Variants in APP observed in about 807,000 individuals in gnomAD.
The protein encoded by APP is amyloid beta precursor protein.
APP carries 31 observed loss-of-function variants against 101.4 expected under a neutral mutation model. The ratio of observed to expected loss-of-function variants is 0.31; its 90% CI spans 0.23 to 0.41. APP has a LOEUF of 0.41. APP is among the 10% of genes least tolerant of loss of function. APP has a pLI of 1.00. For missense variants in APP, 839 were observed against 1,003.7 expected (o/e 0.84, Z 2.22); for synonymous variants, 366 against 364.4 (o/e 1.00, Z -0.05).
intron 13 of APP, among the ~76,000 whole-genome samples, chr21:25,924,429 G>GAAAAAAAAA (rs1338097815): frequency 3.7e-4 from 20 of 53,686 alleles, no homozygotes; most frequent in African/African-American, 1.5e-3. Flanking sequence ...AAAAAAAAAG[G>GAAAAAAAAA]AAAAAAAAAA....
intron 1 of APP, among the ~76,000 whole-genome samples, chr21:26,113,947 T>A (rs949930541): frequency 6.6e-6 from 1 of 152,198 alleles, no homozygotes; most frequent in Non-Finnish European, 1.5e-5. Context: ...TCAGATGCTA[T>A]GGAGGGCCCT....
chr21:25,940,798 G>A (rs1351490889), intron 13 of APP, among the ~76,000 whole-genome samples: 2 of 152,056 alleles, frequency 1.3e-5, no homozygotes, highest in Admixed American at 6.6e-5. Context: ...TCAGTAATTC[G>A]CAAAGTTTAG....
intron 9 of APP, among the ~76,000 whole-genome samples, 165 bp downstream of exon 9, chr21:25,982,179 A>G (rs1264181889): frequency 6.6e-6 from 1 of 152,200 alleles, no homozygotes; most frequent in Non-Finnish European, 1.5e-5. Context: ...TTCACGGAGG[A>G]TGCAAAAAAC....
intron 13 of APP, among the ~76,000 whole-genome samples, chr21:25,916,670 A>G (rs144912684): frequency 6.6e-6 from 1 of 152,312 alleles, no homozygotes; most frequent in East Asian, 1.9e-4. Context: ...GGATTTTCAG[A>G]ACTTTTAAGC....
At chr21:26,124,609 C>T (rs2062643352) in intron 1 of APP, among the ~76,000 whole-genome samples, 1 of 152,218 alleles carries the variant, frequency 6.6e-6, no homozygotes, top group Non-Finnish European at 1.5e-5. Context: ...TAGCACAGAA[C>T]TGGTTGTCAG....
intron 3 of APP, among the ~76,000 whole-genome samples, chr21:26,071,423 CAAACT>C (rs1445826850): frequency 6.6e-6 from 1 of 152,130 alleles, no homozygotes; most frequent in Non-Finnish European, 1.5e-5. Context: ...GCCTTTAAAT[CAAACT>C]AAGCTTAAAA....
In APP at chr21:25,891,832, C is replaced by T; in HGVS notation, c.2101G>A (p.Ala701Thr). The T allele has an allele frequency of 6.2e-7, 1 of 1,614,090 alleles. No homozygotes were observed. The highest frequency in any genetic ancestry group is 8.5e-7 in the Non-Finnish European group (1 of 1,179,990). The change falls in exon 17 of 18, where the codon GCA (alanine) becomes ACA (threonine). Residue 701 changes from alanine (A) to threonine (T), a missense_variant. By Grantham distance (58) the Ala-to-Thr change is moderately conservative. Coordinates refer to ENST00000346798, the MANE Select transcript of APP (RefSeq NM_000484.4). ...CCGCCCACCATGAGTCCAATGATTGCACCTTTGTTTGAACCCACATCTTCT... is the reference window on the plus strand; with the variant it reads ...CCGCCCACCATGAGTCCAATGATTGTACCTTTGTTTGAACCCACATCTTCT... The part of the protein sequence containing the change: ...FAEDVGSNKG[A>T]IIGLMVGGVV...
In APP at chr21:26,068,910, T is replaced by C. The variant is rs1204650419; in HGVS notation, c.356-15562A>G. The stretch of plus-strand genomic sequence containing the variant: ...CCAGTCGCTTGCTGCATGCTTCCAA[T>C]TGCAGGGTATTAATTACTTTTAGCA... On this transcript the variant is annotated intron_variant, in intron 3 of 17. Coordinates refer to ENST00000346798, the MANE Select transcript of APP (RefSeq NM_000484.4). Among the ~76,000 whole-genome samples the C allele has an allele frequency of 3.9e-5, 6 of 152,314 alleles. 1 individual carries two copies. The highest frequency in any genetic ancestry group is 1.5e-5 in the Non-Finnish European group (1 of 68,038).
chr21:26,034,944 T>C (rs1310874248), intron 5 of APP, among the ~76,000 whole-genome samples: 1 of 151,930 alleles, frequency 6.6e-6, no homozygotes, highest in East Asian at 1.9e-4. Flanking sequence ...TGGAAGTAAA[T>C]AGGCTGCTAG....
chr21:26,015,514 T>C (rs1276800432), intron 6 of APP, among the ~76,000 whole-genome samples: 1 of 152,194 alleles, frequency 6.6e-6, no homozygotes, highest in Admixed American at 6.5e-5. Flanking sequence ...AGTTTGTAAA[T>C]TGAACACTTA....
At chr21:26,108,650 G>A (rs2062239213) in intron 2 of APP, among the ~76,000 whole-genome samples, 1 of 152,186 alleles carries the variant, frequency 6.6e-6, no homozygotes, top group Non-Finnish European at 1.5e-5. Flanking sequence ...CACTCTGGGA[G>A]GCCGAAGAGG....
rs915486295 is a variant in APP, at chr21:26,170,720, C to G, written c.-100G>C. The stretch of plus-strand genomic sequence containing the variant: ...CCACCGCCGCCGTCTCCCGGGGCCC[C>G]CGCGCACGCTCCTCCGCGTGCTCTC... On this transcript the variant is annotated 5_prime_UTR_variant, in exon 1 of 18. Transcript: ENST00000346798. 7.9e-7 allele frequency: 1 copy of G among 1,258,744 alleles called. No individual in the cohort carries two copies. The highest frequency in any genetic ancestry group is 3.0e-5 in the East Asian group (1 of 32,834). The allele number at this position is 1,258,744 out of a possible 1,614,324, so 78.0% of individuals were successfully genotyped here. A position where few individuals can be genotyped will look rare whatever the true frequency, so the allele number is the denominator to read the frequency against.
chr21:26,052,786 T>TA (rs759366339), intron 4 of APP, among the ~76,000 whole-genome samples: 9 of 152,266 alleles, frequency 5.9e-5, no homozygotes, highest in Non-Finnish European at 7.4e-5. Context: ...GCTAAATTAT[T>TA]AAAAAATTGT....
Position 25,906,555 on chromosome 21 carries a change from G to A in APP, c.1910-1478C>T, listed in dbSNP as rs543084769. 3.9e-5 allele frequency among the ~76,000 whole-genome samples: 6 copies of A among 152,284 alleles called. 1 individual carries two copies. Among genetic ancestry groups the A allele is most frequent in the Admixed American group, 2.6e-4 (4 of 15,302 alleles). ...AATATTCCATAGTAACTACTGATGC[G>A]AGAGTGACTATTCTCTAGTATTTCA... On this transcript the variant is annotated intron_variant, in intron 14 of 17. Transcript: ENST00000346798.
chr21:25,905,768 C>G (rs1029532073), intron 14 of APP, among the ~76,000 whole-genome samples: 4 of 152,164 alleles, frequency 2.6e-5, no homozygotes, highest in African/African-American at 9.7e-5. Context: ...TTTATGTGTT[C>G]TGGGTCCGAC....
Position 26,170,625 on chromosome 21 carries a change from A to C in APP, c.-5T>G. On this transcript the variant is annotated 5_prime_UTR_variant, in exon 1 of 18. Transcript: ENST00000346798. ...CAGTGCCAAACCGGGCAGCATCGCG[A>C]CCCTGCGCGGGGCACCGAGTGCGCT... is the stretch of plus-strand genomic sequence containing the variant. 6.5e-7 allele frequency: 1 copy of C among 1,534,370 alleles called. No individual in the cohort carries two copies. The highest frequency in any genetic ancestry group is 1.9e-4 in the Middle Eastern group (1 of 5,358).
chr21:25,915,194 A>G (rs1317727846), intron 13 of APP, among the ~76,000 whole-genome samples: 1 of 152,214 alleles, frequency 6.6e-6, no homozygotes, highest in Non-Finnish European at 1.5e-5. Context: ...AGCTTGGGGT[A>G]TTCCCACAAA....
intron 6 of APP, chr21:26,010,047 A>AG (rs11455808): frequency 1 from 155,002 of 155,004 alleles, 77,500 homozygotes; most frequent in Non-Finnish European, 1. Context: ...GGGAAGACTG[A>AG]CATGTACACC....
intron 3 of APP, among the ~76,000 whole-genome samples, chr21:26,083,981 T>C (rs1291630176): frequency 1.3e-5 from 2 of 152,004 alleles, no homozygotes; most frequent in Admixed American, 6.6e-5. Context: ...GAGGACACAA[T>C]ACCAGGTACA....
Sources: gnomAD v4.1 joint callset for allele counts (sites outside exome capture counted in the v4.1 genomes callset) on GRCh38, gnomAD v4.1.1 for gene constraint, MANE v1.5 for transcripts, NCBI Gene and HGNC (gene_info 2026-07-23, HGNC 2026-07-21) for gene names.